CRACDL: variants seen among roughly 807,000 people sequenced by gnomAD.
CRACDL encodes CRACD like, also known as CRACD-like protein.
In CRACDL, 26 loss-of-function variants were observed where a neutral mutation model predicts 70.6. The ratio of observed to expected loss-of-function variants is 0.37; its 90% CI spans 0.27 to 0.51. CRACDL has a LOEUF of 0.51. CRACDL is among the 20% of genes least tolerant of loss of function. The pLI, the probability that CRACDL is intolerant of heterozygous loss-of-function variation, is 0.94. For missense variants in CRACDL, 1,283 were observed against 1,376.9 expected (o/e 0.93, Z 1.08); for synonymous variants, 618 against 615.2 (o/e 1.00, Z -0.07).
chr2:98,905,288 CCT>C (rs1209434552), intron 1 of CRACDL, among the ~76,000 whole-genome samples: 1 of 151,838 alleles, frequency 6.6e-6, no homozygotes, highest in African/African-American at 2.4e-5. Flanking sequence ...CCCTCATCTC[CCT>C]CTCTCTTGCT....
intron 1 of CRACDL, among the ~76,000 whole-genome samples, chr2:98,873,681 G>T (rs562496642): frequency 6.6e-6 from 1 of 152,196 alleles, no homozygotes; most frequent in African/African-American, 2.4e-5. Flanking sequence ...TTTTCCTCAC[G>T]GAATATTTTG....
intron 1 of CRACDL, among the ~76,000 whole-genome samples, chr2:98,898,106 G>T (rs1708176961): frequency 6.6e-6 from 1 of 152,218 alleles, no homozygotes; most frequent in Non-Finnish European, 1.5e-5. Flanking sequence ...AGTTATATTA[G>T]GCTCTAGCAA....
Position 98,823,141 on chromosome 2 carries a change from C to CG in CRACDL, c.1131dup (p.Ala378ArgfsTer31). 2.6e-6 allele frequency: 4 copies of CG among 1,559,430 alleles called. No homozygotes were observed. Among genetic ancestry groups the CG allele is most frequent in the Admixed American group, 3.7e-5 (2 of 53,592 alleles). On this transcript the variant is annotated frameshift_variant, in exon 7 of 10. Transcript: ENST00000397899. LOFTEE classifies it high-confidence loss of function. This position sits in a 1 kb window ranked among gnomAD's most constrained non-coding sequence, Gnocchi z 4.0. ...TCCGTGGCCGGGGCACACGGGCCTG[C>CG]GGGGGGCGCCTCCCCATCCTGCTTT...
At chr2:98,933,857 C>A (rs1375458218) in intron 1 of CRACDL, among the ~76,000 whole-genome samples, 3 of 152,188 alleles carry the variant, frequency 2.0e-5, no homozygotes, top group African/African-American at 7.2e-5. Context: ...AGCTCATAGA[C>A]AACAGACATT....
In CRACDL at chr2:98,823,252, G is replaced by T. The variant is rs1011241920; in HGVS notation, c.1021C>A (p.Leu341Ile). 5 of 1,405,890 alleles carry T rather than the reference G, an allele frequency of 3.6e-6. No homozygotes were observed. The highest frequency in any genetic ancestry group is 4.6e-6 in the Non-Finnish European group (5 of 1,088,948). The allele number at this position is 1,405,890 out of a possible 1,614,324, so 87.1% of individuals were successfully genotyped here. A position where few individuals can be genotyped will look rare whatever the true frequency, so the allele number is the denominator to read the frequency against. The change falls in exon 7 of 10, where the codon CTC becomes ATC. Residue 341 changes from leucine to isoleucine, a missense_variant. By Grantham distance (5) the Leu-to-Ile change is conservative. Transcript: ENST00000397899. The surrounding 1 kb of genome is among the most constrained non-coding windows in gnomAD (Gnocchi z 4.0). ...GTGGGGGCCGACTCGGGCTCGGCGAGCTCCGGGGTGGCCGGGCGGCTTGAG... is the reference window on the plus strand; with the variant it reads ...GTGGGGGCCGACTCGGGCTCGGCGATCTCCGGGGTGGCCGGGCGGCTTGAG... ...DPSSRPATPE[L>I]AEPESAPTLR...
intron 1 of CRACDL, among the ~76,000 whole-genome samples, chr2:98,916,323 G>A (rs1307225051): frequency 6.6e-6 from 1 of 152,168 alleles, no homozygotes; most frequent in East Asian, 1.9e-4. Context: ...TGGACCAGGG[G>A]TTGCCCTACA....
intron 1 of CRACDL, among the ~76,000 whole-genome samples, chr2:98,926,884 T>G (rs1345055849): frequency 6.6e-6 from 1 of 152,170 alleles, no homozygotes; most frequent in East Asian, 1.9e-4. Context: ...GAGCGAAGAT[T>G]CTCCAATGTC....
At chr2:98,855,117 T>C (rs1036539942) in intron 1 of CRACDL, among the ~76,000 whole-genome samples, 9 of 152,022 alleles carry the variant, frequency 5.9e-5, no homozygotes, top group Admixed American at 5.9e-4. Flanking sequence ...CCATCTCTAC[T>C]AAAAATACAA....
chr2:98,889,340 A>AAAGAAAGAAAGAAAGAAAGGAAGG, intron 1 of CRACDL, among the ~76,000 whole-genome samples: 1 of 128,190 alleles, frequency 7.8e-6, no homozygotes, highest in African/African-American at 2.9e-5. Flanking sequence ...AGAAAGAAAG[A>AAAGAAAGAAAGAAAGAAAGGAAGG]AAGGAAACAG....
At chr2:98,889,138 G>T (rs186306672) in intron 1 of CRACDL, among the ~76,000 whole-genome samples, 1 of 146,026 alleles carries the variant, frequency 6.8e-6, no homozygotes, top group Non-Finnish European at 1.5e-5. Context: ...AAAAAAAGGG[G>T]GGGGAAGAAA....
intron 1 of CRACDL, among the ~76,000 whole-genome samples, chr2:98,862,963 T>C (rs1272802266): frequency 1.3e-5 from 2 of 152,152 alleles, no homozygotes; most frequent in African/African-American, 4.8e-5. Flanking sequence ...TATCTATATA[T>C]ACATTTTACA....
chr2:98,935,526 T>G (rs1709184400), intron 1 of CRACDL, among the ~76,000 whole-genome samples: 1 of 152,144 alleles, frequency 6.6e-6, no homozygotes, highest in Non-Finnish European at 1.5e-5. Flanking sequence ...AGGCAGTTCG[T>G]GAATGTGTCC....
chr2:98,848,429 G>C (rs1397057501), intron 1 of CRACDL, among the ~76,000 whole-genome samples: 2 of 152,174 alleles, frequency 1.3e-5, no homozygotes, highest in Non-Finnish European at 2.9e-5. Context: ...GGGGAAGAGT[G>C]AAGATGGTGA....
chr2:98,869,756 C>T (rs1210383153), intron 1 of CRACDL, among the ~76,000 whole-genome samples: 2 of 152,208 alleles, frequency 1.3e-5, no homozygotes, highest in African/African-American at 2.4e-5. Flanking sequence ...CTCGTCTCTG[C>T]GCTGCACACT....
intron 1 of CRACDL, among the ~76,000 whole-genome samples, chr2:98,887,287 C>G (rs1318485291): frequency 6.6e-6 from 1 of 152,024 alleles, no homozygotes. Context: ...GAGTTCAAGA[C>G]CAGCTTGGGC....
intron 1 of CRACDL, among the ~76,000 whole-genome samples, chr2:98,855,283 C>A (rs1243656524): frequency 6.9e-5 from 10 of 144,288 alleles, no homozygotes; most frequent in African/African-American, 2.6e-4. Context: ...AAGACTCCAT[C>A]TCAAAAAAAA....
Position 98,822,335 on chromosome 2 carries a change from G to A in CRACDL, c.1938C>T (p.Ser646=), listed in dbSNP as rs998540620. 9 of 1,458,076 alleles carry A rather than the reference G, an allele frequency of 6.2e-6. No individual in the cohort carries two copies. Among genetic ancestry groups the A allele is most frequent in the Non-Finnish European group, 8.1e-6 (9 of 1,116,866 alleles). 90.3% of individuals were successfully genotyped at this position (1,458,076 alleles called of 1,614,324 possible). The part of the protein sequence containing the change: ...GPQDSGDRAA[S]PAGPRKSPQE... ...GAGGGCTCTTGCGCGGCCCGGCCGG[G>A]CTGGCCGCCCTGTCCCCCGAGTCCT... Residue 646 remains serine (S), a synonymous_variant, in exon 7 of 10, where the codon AGC becomes AGT. Coordinates refer to ENST00000397899, the MANE Select transcript of CRACDL (RefSeq NM_207362.3). This position sits in a 1 kb window ranked among gnomAD's most constrained non-coding sequence, Gnocchi z 4.9.
At chr2:98,869,675 C>T (rs1707273808) in intron 1 of CRACDL, among the ~76,000 whole-genome samples, 1 of 152,222 alleles carries the variant, frequency 6.6e-6, no homozygotes. Context: ...GCACCAAAAC[C>T]ACCCGGCCCC....
Position 98,832,343 on chromosome 2 carries a change from C to A in CRACDL, c.540+5G>T. On this transcript the variant is annotated splice_donor_5th_base_variant and intron_variant, in intron 5 of 9. Coordinates refer to ENST00000397899, the MANE Select transcript of CRACDL (RefSeq NM_207362.3). Reference sequence around the variant, plus strand: ...AAGACATGCAGTGGTACAGGCCGCACTTGCCTTTATGGTGGTACCAGGACC... The same window carrying A: ...AAGACATGCAGTGGTACAGGCCGCAATTGCCTTTATGGTGGTACCAGGACC... The A allele has an allele frequency of 6.2e-7, 1 of 1,614,156 alleles. No individual in the cohort carries two copies. Among genetic ancestry groups the A allele is most frequent in the Non-Finnish European group, 8.5e-7 (1 of 1,180,034 alleles).
Sources: allele counts gnomAD v4.1 joint callset (sites outside exome capture counted in the v4.1 genomes callset), GRCh38; gene constraint gnomAD v4.1.1; non-coding constraint Gnocchi (gnomAD v3.1); transcripts MANE v1.5; gene names NCBI Gene and HGNC (gene_info 2026-07-23, HGNC 2026-07-21).